ZNF713: variants seen among roughly 807,000 people sequenced by gnomAD.
The protein encoded by ZNF713 is zinc finger protein 713.
ZNF713 carries 21 observed loss-of-function variants against 28.7 expected under a neutral mutation model. The observed-to-expected ratio is 0.73, with a 90% CI of 0.52 to 1.05. The LOEUF is 1.05. Among genes scored for constraint, ZNF713 ranks in the 50% least tolerant of loss-of-function variants. ZNF713 has a pLI of 0.00. For missense variants in ZNF713, 458 were observed against 532.4 expected (o/e 0.86, Z 1.37); for synonymous variants, 167 against 178.0 (o/e 0.94, Z 0.49).
At chr7:55,933,108 G>A (rs1302594705) in intron 6 of ZNF713, among the ~76,000 whole-genome samples, 1 of 150,772 alleles carries the variant, frequency 6.6e-6, no homozygotes, top group Non-Finnish European at 1.5e-5. Context: ...GTGGTGGCAG[G>A]CGCCTGTGAT....
chr7:55,902,163 C>T lies in ZNF713; in HGVS notation c.-582-4090C>T, dbSNP rs557958797. On this transcript the variant is annotated intron_variant, in intron 1 of 6. Coordinates refer to ENST00000429591, the MANE Select transcript of ZNF713 (RefSeq NM_182633.3). ...CTGAGGTTGCGCCACTGCACTCCAG[C>T]CTGGGTGACAGAGTGAGACTCCATC... Among the ~76,000 whole-genome samples the T allele has an allele frequency of 2.6e-5, 4 of 152,070 alleles. No individual in the cohort carries two copies. The East Asian group carries it at 7.7e-4, about 29-fold the overall frequency.
At chr7:55,899,180 C>T (rs758028638) in intron 1 of ZNF713, among the ~76,000 whole-genome samples, 4 of 150,766 alleles carry the variant, frequency 2.7e-5, no homozygotes, top group African/African-American at 9.8e-5. Context: ...GGTGAAACCC[C>T]GTCTCTACTA....
chr7:55,888,743 A>ATGCGTGCATACG (rs371273023), intron 1 of ZNF713, among the ~76,000 whole-genome samples: 1 of 108,624 alleles, frequency 9.2e-6, no homozygotes, highest in African/African-American at 3.6e-5. Flanking sequence ...ACGTACATAC[A>ATGCGTGCATACG]TACATAGATT....
At chr7:55,931,927 G>C (rs187997387) in intron 6 of ZNF713, among the ~76,000 whole-genome samples, 1 of 152,320 alleles carries the variant, frequency 6.6e-6, no homozygotes, top group Non-Finnish European at 1.5e-5. Context: ...TCCACAGGCT[G>C]CAGATTCAGT....
intron 1 of ZNF713, among the ~76,000 whole-genome samples, chr7:55,901,253 T>A (rs1785570492): frequency 6.7e-6 from 1 of 148,838 alleles, no homozygotes; most frequent in Non-Finnish European, 1.5e-5. Flanking sequence ...CAGCAGGCAG[T>A]GAGAGAGAGA....
intron 1 of ZNF713, among the ~76,000 whole-genome samples, chr7:55,889,053 A>T (rs765248260): frequency 1.3e-5 from 2 of 152,114 alleles, no homozygotes; most frequent in African/African-American, 2.4e-5. Flanking sequence ...TCAAAAAATA[A>T]AATAAATGTT....
intron 4 of ZNF713, 68 bp from the exon 5 acceptor site, chr7:55,923,094 C>T (rs1786023677): frequency 6.6e-7 from 1 of 1,510,906 alleles, no homozygotes; most frequent in Admixed American, 2.1e-5. Flanking sequence ...GCTACACTTT[C>T]ATTCCCTCCC....
chr7:55,933,021 A>G (rs1449845428), intron 6 of ZNF713, among the ~76,000 whole-genome samples: 4 of 151,754 alleles, frequency 2.6e-5, no homozygotes, highest in Admixed American at 6.6e-5. Flanking sequence ...GCGAATCACA[A>G]GGTCAGGAGT....
intron 1 of ZNF713, among the ~76,000 whole-genome samples, chr7:55,892,555 C>CGAAAAAA (rs574054003): frequency 1.6e-4 from 12 of 74,362 alleles, no homozygotes; most frequent in Non-Finnish European, 2.3e-4. Flanking sequence ...AAGCACTGAC[C>CGAAAAAA]AAAAAAAAAA....
At chr7:55,935,509 C>T (rs920731071) in intron 6 of ZNF713, among the ~76,000 whole-genome samples, 3 of 151,976 alleles carry the variant, frequency 2.0e-5, no homozygotes, top group South Asian at 2.1e-4. Flanking sequence ...CTCATATATA[C>T]GTGTGTGTTA....
chr7:55,904,463 TAAAAAAAAA>T (rs71015118), intron 1 of ZNF713, among the ~76,000 whole-genome samples: 4 of 41,292 alleles, frequency 9.7e-5, no homozygotes, highest in African/African-American at 1.8e-4. Flanking sequence ...ACTGTATCTT[TAAAAAAAAA>T]AAAAAAAAAA....
intron 1 of ZNF713, among the ~76,000 whole-genome samples, chr7:55,902,774 AGAGAAAGAACATTAGTG>A (rs1016913945): frequency 1.3e-5 from 2 of 152,212 alleles, no homozygotes; most frequent in Admixed American, 6.5e-5. Flanking sequence ...ATCCTAGATC[AGAGAAAGAACATTAGTG>A]GAGAAAGAAC....
chr7:55,921,168 G>C (rs896158595), intron 4 of ZNF713, among the ~76,000 whole-genome samples: 1 of 151,638 alleles, frequency 6.6e-6, no homozygotes, highest in Non-Finnish European at 1.5e-5. Flanking sequence ...TAAACCCACT[G>C]TTAAGAACCA....
intron 1 of ZNF713, among the ~76,000 whole-genome samples, chr7:55,901,755 C>G (rs1410306842): frequency 1.3e-5 from 2 of 152,198 alleles, no homozygotes; most frequent in Non-Finnish European, 2.9e-5. Flanking sequence ...TAAGTGAACA[C>G]AAAGGATTTA....
intron 2 of ZNF713, among the ~76,000 whole-genome samples, chr7:55,906,765 C>T (rs923361357): frequency 6.6e-5 from 10 of 152,076 alleles, no homozygotes; most frequent in African/African-American, 1.9e-4. Context: ...GGCGTCCTCT[C>T]GTAAATATCT....
chr7:55,904,623 G>A (rs1448010764), intron 1 of ZNF713, among the ~76,000 whole-genome samples: 1 of 152,098 alleles, frequency 6.6e-6, no homozygotes, highest in Non-Finnish European at 1.5e-5. Context: ...AGGAAGTAGA[G>A]AAAGTATTGA....
intron 4 of ZNF713, among the ~76,000 whole-genome samples, chr7:55,922,502 C>A (rs1786011417): frequency 6.6e-6 from 1 of 150,384 alleles, no homozygotes. Context: ...TGCGGCACTG[C>A]ACTCCAGCCT....
Position 55,902,380 on chromosome 7 carries a change from T to C in ZNF713, c.-582-3873T>C, listed in dbSNP as rs534528183. On this transcript the variant is annotated intron_variant, in intron 1 of 6. Transcript: ENST00000429591. Reference sequence around the variant, plus strand: ...TATACAAGAGCACTAAAGCATTTAATAGACAAAGTAATGTTAATCTATTGG... The same window carrying C: ...TATACAAGAGCACTAAAGCATTTAACAGACAAAGTAATGTTAATCTATTGG... Among the ~76,000 whole-genome samples, 13 of 152,352 alleles carry C rather than the reference T, an allele frequency of 8.5e-5. No individual in the cohort carries two copies. In the South Asian group the frequency reaches 2.7e-3, roughly 32 times the overall value.
At chr7:55,894,536 A>T (rs2116167384) in intron 1 of ZNF713, among the ~76,000 whole-genome samples, 1 of 152,372 alleles carries the variant, frequency 6.6e-6, no homozygotes, top group East Asian at 1.9e-4. Context: ...CAAAAGAACA[A>T]AGCCTGACAT....
Sources: allele counts gnomAD v4.1 joint callset (sites outside exome capture counted in the v4.1 genomes callset), GRCh38; gene constraint gnomAD v4.1.1; transcripts MANE v1.5; gene names NCBI Gene and HGNC (gene_info 2026-07-23, HGNC 2026-07-21).